The following TRDMT1 variants were observed in gnomAD, a reference collection of about 807,000 sequenced individuals.
TRDMT1 encodes the protein tRNA (cytosine(38)-C(5))-methyltransferase.
In TRDMT1, 49 loss-of-function variants were observed where a neutral mutation model predicts 51.2. The ratio of observed to expected loss-of-function variants is 0.96; its 90% CI spans 0.76 to 1.21. The LOEUF is 1.21. Among genes scored for constraint, TRDMT1 ranks in the 50% most tolerant of loss-of-function variants. TRDMT1 has a pLI of 0.00. For synonymous variants in TRDMT1, 187 were observed against 164.6 expected, an observed-to-expected ratio of 1.14 and a Z score of -1.04; for missense variants, 534 against 462.3, an observed-to-expected ratio of 1.16 and a Z score of -1.42.
rs755471257 is a variant in TRDMT1, at chr10:17,147,347, T to A, written c.*1693A>T. 156 of 985,246 alleles carry A rather than the reference T, an allele frequency of 1.6e-4. No individual in the cohort carries two copies. Among genetic ancestry groups the A allele is most frequent in the Non-Finnish European group, 1.8e-4 (149 of 829,796 alleles). 61.0% of individuals were successfully genotyped at this position (985,246 alleles called of 1,614,324 possible). ...GCTTCCCTACATTCATATTTATCTA[T>A]GAGTTCTGAAAAATTGGTAATAGAG... is the stretch of plus-strand genomic sequence containing the variant. On this transcript the variant is annotated 3_prime_UTR_variant, in exon 11 of 11. Transcript: ENST00000377799.
chr10:17,162,067 G>A (rs1840437531), intron 4 of TRDMT1, 99 bp downstream of exon 4: 4 of 1,002,560 alleles, frequency 4.0e-6, no homozygotes, highest in Admixed American at 4.3e-5. Flanking sequence ...AAGGGAGCAT[G>A]TATAAATGGC....
intron 1 of TRDMT1, among the ~76,000 whole-genome samples, chr10:17,195,453 G>C (rs937475277): frequency 6.6e-6 from 1 of 152,156 alleles, no homozygotes; most frequent in Non-Finnish European, 1.5e-5. Flanking sequence ...GGGACTACTA[G>C]AGAGAGAAGG....
intron 3 of TRDMT1, among the ~76,000 whole-genome samples, chr10:17,164,267 C>T: frequency 6.6e-6 from 1 of 152,104 alleles, no homozygotes; most frequent in East Asian, 1.9e-4. Flanking sequence ...ACGACAAAAA[C>T]CACATGATTA....
At chr10:17,158,864 G>T (rs1396166567) in intron 7 of TRDMT1, among the ~76,000 whole-genome samples, 1 of 152,088 alleles carries the variant, frequency 6.6e-6, no homozygotes, top group Non-Finnish European at 1.5e-5. Context: ...AATTATGGGG[G>T]AAGGAGGAAG....
intron 5 of TRDMT1, among the ~76,000 whole-genome samples, chr10:17,161,092 G>C (rs1840286784): frequency 1.3e-5 from 2 of 152,134 alleles, no homozygotes; most frequent in Admixed American, 1.3e-4. Flanking sequence ...CCATCTGAAA[G>C]AACCCCGACA....
intron 1 of TRDMT1, among the ~76,000 whole-genome samples, chr10:17,183,494 T>G (rs564621199): frequency 2.6e-5 from 4 of 152,330 alleles, no homozygotes; most frequent in Non-Finnish European, 5.9e-5. Context: ...CTCAGCTCAC[T>G]GCAATCTCCA....
chr10:17,195,749 C>T (rs920677139), intron 1 of TRDMT1, among the ~76,000 whole-genome samples: 10 of 152,072 alleles, frequency 6.6e-5, no homozygotes, highest in Admixed American at 4.6e-4. Context: ...ATTCATCTTA[C>T]GTATTTCTTT....
intron 2 of TRDMT1, chr10:17,171,701 C>T (rs1228655918): frequency 1.3e-5 from 2 of 152,186 alleles, no homozygotes; most frequent in South Asian, 2.1e-4. Flanking sequence ...CTTCCCACTC[C>T]GATTACATTA....
Position 17,143,189 on chromosome 10 carries a change from A to G in TRDMT1, c.*5851T>C, listed in dbSNP as rs1287935552. ...TGAACTCCACAGTGTGGTGCTTTCT[A>G]TGTAGCTTCAATATTGATTCCAGTA... On this transcript the variant is annotated 3_prime_UTR_variant, in exon 11 of 11. Coordinates refer to ENST00000377799, the MANE Select transcript of TRDMT1 (RefSeq NM_004412.7). 1.0e-5 allele frequency: 10 copies of G among 985,314 alleles called. No homozygotes were observed. Among genetic ancestry groups the G allele is most frequent in the Non-Finnish European group, 1.2e-5 (10 of 829,946 alleles). The allele number at this position is 985,314 out of a possible 1,614,324, so 61.0% of individuals were successfully genotyped here.
chr10:17,172,847 C>G (rs1055868008), intron 2 of TRDMT1, among the ~76,000 whole-genome samples: 11 of 151,976 alleles, frequency 7.2e-5, no homozygotes, highest in Non-Finnish European at 1.3e-4. Context: ...TCAAAATAGA[C>G]CAGTAGGGGA....
chr10:17,139,431 T>C lies in TRDMT1; in HGVS notation c.*9609A>G, dbSNP rs544314052. 1.5e-3 allele frequency among the ~76,000 whole-genome samples: 223 copies of C among 152,196 alleles called. 1 individual carries two copies. Among genetic ancestry groups the C allele is most frequent in the African/African-American group, 5.2e-3 (216 of 41,530 alleles). On this transcript the variant is annotated 3_prime_UTR_variant, in exon 11 of 11. Coordinates refer to ENST00000377799, the MANE Select transcript of TRDMT1 (RefSeq NM_004412.7). ...GAAAGTACATCTTTGTGATGATATT[T>C]TGTGTTCTATTAGGGGAGGAGAGCA...
chr10:17,186,445 G>T (rs1368059457), intron 1 of TRDMT1, among the ~76,000 whole-genome samples: 2 of 152,082 alleles, frequency 1.3e-5, no homozygotes, highest in Non-Finnish European at 2.9e-5. Context: ...AGAAGGCTTT[G>T]GGATGCTACA....
chr10:17,197,457 T>C (rs1255614161), intron 1 of TRDMT1, among the ~76,000 whole-genome samples: 1 of 152,216 alleles, frequency 6.6e-6, no homozygotes, highest in Non-Finnish European at 1.5e-5. Context: ...ATACTGGATA[T>C]GCTGATAAGG....
intron 1 of TRDMT1, among the ~76,000 whole-genome samples, chr10:17,194,755 AAACCCTGT>A (rs1481578317): frequency 6.6e-6 from 1 of 152,082 alleles, no homozygotes; most frequent in Non-Finnish European, 1.5e-5. Context: ...CAACATGGTG[AAACCCTGT>A]CTCTACTAAA....
rs761484482 is a variant in TRDMT1, at chr10:17,154,695, C to A, written c.927G>T (p.Gln309His). The change falls in exon 9 of 11, where the codon CAG becomes CAT. Residue 309 changes from glutamine (Q) to histidine (H), a missense_variant. Transcript: ENST00000377799. ...SYIEGTGSVL[Q>H]TAEDVQVENI... ...ATAGTACCTGCACATCCTCTGCAGT[C>A]TGTAACACAGACCCTGTCCCTTCTA... 4.4e-6 allele frequency: 7 copies of A among 1,605,204 alleles called. No homozygotes were observed. Among genetic ancestry groups the A allele is most frequent in the Middle Eastern group, 1.6e-4 (1 of 6,070 alleles).
At chr10:17,175,400 A>T (rs1842502980) in intron 1 of TRDMT1, among the ~76,000 whole-genome samples, 1 of 152,204 alleles carries the variant, frequency 6.6e-6, no homozygotes, top group Non-Finnish European at 1.5e-5. Context: ...ATATTCTTTA[A>T]TGTTAGCCGA....
At position 17,153,518 on chromosome 10, in the gene TRDMT1, G is replaced by C; in HGVS notation, c.1064C>G (p.Pro355Arg). 2 of 1,614,014 alleles carry C rather than the reference G, an allele frequency of 1.2e-6. No individual in the cohort carries two copies. The highest frequency in any genetic ancestry group is 1.7e-6 in the Non-Finnish European group (2 of 1,179,958). The change falls in exon 10 of 11, where the codon CCT becomes CGT. Residue 355 changes from proline (P) to arginine (R), a missense_variant. Pro to Arg is a moderately radical substitution (Grantham distance 103, BLOSUM62 -2). Coordinates refer to ENST00000377799, the MANE Select transcript of TRDMT1 (RefSeq NM_004412.7). ...PKEIANLLGF[P>R]PEFGFPEKIT... Reference sequence around the variant, plus strand: ...CGTATCCCACATACCGAACTCTGGAGGAAATCCAAGGAGATTTGCTATTTC... The same window carrying C: ...CGTATCCCACATACCGAACTCTGGACGAAATCCAAGGAGATTTGCTATTTC...
intron 7 of TRDMT1, 86 bp from the exon 8 acceptor site, chr10:17,157,870 C>T: frequency 1.8e-6 from 2 of 1,081,214 alleles, no homozygotes; most frequent in Non-Finnish European, 2.6e-6. Flanking sequence ...ATTACGAAAA[C>T]AACCTCATTA....
chr10:17,201,616 G>C lies in TRDMT1; in HGVS notation c.19C>G (p.Leu7Val). The C allele has an allele frequency of 6.5e-7, 1 of 1,546,210 alleles. No individual in the cohort carries two copies. The highest frequency in any genetic ancestry group is 8.7e-7 in the Non-Finnish European group (1 of 1,145,060). The change falls in exon 1 of 11, where the codon CTG (leucine) becomes GTG (valine). Residue 7 changes from leucine to valine, a missense_variant. Transcript: ENST00000377799. ...CCGCCCACGCCGCTGTATAGCTCCAGCACCCGCAGGGGCTCCATCCCCGCG... is the reference window on the plus strand; with the variant it reads ...CCGCCCACGCCGCTGTATAGCTCCACCACCCGCAGGGGCTCCATCCCCGCG... MEPLRV[L>V]ELYSGVGGMH...
Sources: allele counts gnomAD v4.1 joint callset (sites outside exome capture counted in the v4.1 genomes callset), GRCh38; gene constraint gnomAD v4.1.1; transcripts MANE v1.5; gene names NCBI Gene and HGNC (gene_info 2026-07-23, HGNC 2026-07-21).